KHDRBS2: variants seen among roughly 807,000 people sequenced by gnomAD.
The protein encoded by KHDRBS2 is KH domain-containing, RNA-binding, signal transduction-associated protein 2.
In KHDRBS2, 26 loss-of-function variants were observed where a neutral mutation model predicts 44.3. The ratio of observed to expected loss-of-function variants is 0.59; its 90% CI spans 0.43 to 0.81. The LOEUF (loss-of-function observed/expected upper bound fraction) is 0.81, where lower values mean the gene tolerates loss of function less well. Among genes scored for constraint, KHDRBS2 ranks in the 40% least tolerant of loss-of-function variants. The probability of loss-of-function intolerance (pLI) is 0.00; values close to 1 mark genes in which losing one functional copy is unlikely to be tolerated. For missense variants in KHDRBS2, 476 were observed against 433.1 expected (o/e 1.10, Z -0.88); for synonymous variants, 194 against 151.1 (o/e 1.28, Z -2.08).
At chr6:62,018,287 CTA>C (rs1019465004) in intron 3 of KHDRBS2, among the ~76,000 whole-genome samples, 74 of 146,960 alleles carry the variant, frequency 5.0e-4, no homozygotes, top group East Asian at 2.0e-3. Flanking sequence ...TATTCACACA[CTA>C]TATATATATA....
intron 6 of KHDRBS2, among the ~76,000 whole-genome samples, chr6:61,830,658 T>C (rs1233298645): frequency 3.9e-5 from 6 of 152,208 alleles, no homozygotes; most frequent in Non-Finnish European, 8.8e-5. Flanking sequence ...TGCTTTAACT[T>C]GGCACTTGTG....
the KHDRBS2 span, among the ~76,000 whole-genome samples, chr6:61,649,442 G>A: frequency 6.6e-6 from 1 of 152,112 alleles, no homozygotes; most frequent in Non-Finnish European, 1.5e-5. Context: ...AGCCTATATT[G>A]AGGAAGTAAC....
At chr6:61,551,521 C>T in the KHDRBS2 span, among the ~76,000 whole-genome samples, 1 of 151,826 alleles carries the variant, frequency 6.6e-6, no homozygotes, top group Non-Finnish European at 1.5e-5. Flanking sequence ...ATCTGTAATC[C>T]ATCTTGAGTT....
intron 4 of KHDRBS2, among the ~76,000 whole-genome samples, chr6:61,975,680 C>CACACACACAGAG (rs148696826): frequency 5.3e-5 from 8 of 149,860 alleles, no homozygotes; most frequent in Admixed American, 4.0e-4. Flanking sequence ...CACACACACA[C>CACACACACAGAG]AGAGAGATAT....
At chr6:62,285,718 G>T in intron 1 of KHDRBS2, 140 bp downstream of exon 1, 1 of 611,764 alleles carries the variant, frequency 1.6e-6, no homozygotes, top group East Asian at 2.9e-5. Flanking sequence ...GTCCGCCCGA[G>T]CTCTAAGGCG....
At chr6:61,545,347 C>T in the KHDRBS2 span, among the ~76,000 whole-genome samples, 1 of 151,960 alleles carries the variant, frequency 6.6e-6, no homozygotes, top group Non-Finnish European at 1.5e-5. Context: ...TTCTTCCTTT[C>T]CCAAGATAGA....
intron 2 of KHDRBS2, among the ~76,000 whole-genome samples, chr6:62,096,073 GATC>G (rs1483688053): frequency 6.6e-6 from 1 of 151,874 alleles, no homozygotes; most frequent in Non-Finnish European, 1.5e-5. Flanking sequence ...AATCCCATTT[GATC>G]ATGATGAATA....
intron 2 of KHDRBS2, among the ~76,000 whole-genome samples, chr6:62,119,124 C>T (rs1806996801): frequency 6.6e-6 from 1 of 152,086 alleles, no homozygotes; most frequent in Admixed American, 6.5e-5. Context: ...GAGTTGGGTG[C>T]TAAATATGAT....
chr6:61,571,943 AGC>A, the KHDRBS2 span, among the ~76,000 whole-genome samples: 1 of 152,108 alleles, frequency 6.6e-6, no homozygotes, highest in East Asian at 1.9e-4. Context: ...AACCCAAATC[AGC>A]AGAAGAAAAA....
intron 1 of KHDRBS2, among the ~76,000 whole-genome samples, chr6:62,197,834 G>A (rs1454489178): frequency 1.3e-5 from 2 of 152,024 alleles, no homozygotes; most frequent in African/African-American, 4.8e-5. Context: ...CACATAGTTG[G>A]AAGTAAAGCA....
At chr6:61,992,970 G>A (rs1271402560) in intron 3 of KHDRBS2, among the ~76,000 whole-genome samples, 1 of 152,146 alleles carries the variant, frequency 6.6e-6, no homozygotes, top group Non-Finnish European at 1.5e-5. Context: ...GGGAGGAAAG[G>A]TGTACTGGTG....
At chr6:61,817,540 A>T (rs1419311789) in intron 6 of KHDRBS2, among the ~76,000 whole-genome samples, 1 of 152,096 alleles carries the variant, frequency 6.6e-6, no homozygotes, top group Non-Finnish European at 1.5e-5. Context: ...AATGCATTAG[A>T]TTTGAAAAAT....
At chr6:62,067,258 GT>G (rs1793950337) in intron 2 of KHDRBS2, among the ~76,000 whole-genome samples, 1 of 151,494 alleles carries the variant, frequency 6.6e-6, no homozygotes, top group Non-Finnish European at 1.5e-5. Context: ...TACCCATTAA[GT>G]TTTTCTTAAT....
intron 2 of KHDRBS2, among the ~76,000 whole-genome samples, chr6:62,099,442 A>G (rs1056059921): frequency 6.6e-6 from 1 of 152,150 alleles, no homozygotes; most frequent in Non-Finnish European, 1.5e-5. Context: ...GCCTAGGTTT[A>G]TCCCATATCC....
At chr6:62,265,194 A>C (rs1307915778) in intron 1 of KHDRBS2, among the ~76,000 whole-genome samples, 3 of 151,958 alleles carry the variant, frequency 2.0e-5, no homozygotes, top group Non-Finnish European at 2.9e-5. Flanking sequence ...ATACACTAAA[A>C]TATTATTTAT....
At chr6:62,120,083 T>G (rs1172972998) in intron 2 of KHDRBS2, among the ~76,000 whole-genome samples, 3 of 152,186 alleles carry the variant, frequency 2.0e-5, no homozygotes, top group Non-Finnish European at 4.4e-5. Context: ...CTGAATTTAT[T>G]GATTTGGGCC....
At chr6:62,169,136 C>CATATAT (rs1819376528) in intron 2 of KHDRBS2, among the ~76,000 whole-genome samples, 5 of 78,408 alleles carry the variant, frequency 6.4e-5, no homozygotes, top group African/African-American at 3.3e-4. Flanking sequence ...TACATATACA[C>CATATAT]ACATATATGT....
At chr6:62,113,089 T>C (rs559257644) in intron 2 of KHDRBS2, among the ~76,000 whole-genome samples, 21 of 152,126 alleles carry the variant, frequency 1.4e-4, no homozygotes, top group Non-Finnish European at 2.5e-4. Context: ...AGTGAATGGA[T>C]TGCCTCAAAT....
intron 3 of KHDRBS2, among the ~76,000 whole-genome samples, chr6:61,983,240 T>TTCTTTCTTTCTTTCTTTC (rs1396976774): frequency 6.0e-5 from 2 of 33,252 alleles, no homozygotes; most frequent in African/African-American, 1.5e-4. Context: ...TTCTTTCTTT[T>TTCTTTCTTTCTTTCTTTC]TTTTTTTTTT....
Sources: gnomAD v4.1 joint callset for allele counts (sites outside exome capture counted in the v4.1 genomes callset) on GRCh38, gnomAD v4.1.1 for gene constraint, MANE v1.5 for transcripts, NCBI Gene and HGNC (gene_info 2026-07-23, HGNC 2026-07-21) for gene names.